Variants in RYR2 observed in about 807,000 individuals in gnomAD.
RYR2 encodes ryanodine receptor 2.
In RYR2, 227 loss-of-function variants were observed where a neutral mutation model predicts 601.1. That is an observed-to-expected ratio of 0.38 (90% CI 0.34 to 0.42). The LOEUF is 0.42. Among genes scored for constraint, RYR2 ranks in the 10% least tolerant of loss-of-function variants. RYR2 has a pLI of 1.00. For missense variants in RYR2, 4,646 were observed against 6,156.5 expected (o/e 0.75, Z 8.21); for synonymous variants, 2,223 against 2,175.1 (o/e 1.02, Z -0.61).
chr1:237,830,403 C>A, intron 102 of RYR2, 127 bp from the exon 103 acceptor site: 1 of 663,800 alleles, frequency 1.5e-6, no homozygotes, highest in Non-Finnish European at 2.8e-6. Context: ...CTTGGCACAG[C>A]CTCCATGTGA....
At chr1:237,505,488 T>A (rs1445707462) in intron 22 of RYR2, among the ~76,000 whole-genome samples, 2 of 152,238 alleles carry the variant, frequency 1.3e-5, no homozygotes, top group Admixed American at 6.5e-5. Context: ...TCCCCCTTTT[T>A]ATATCATGTT....
chr1:237,521,973 T>G (rs1459451245), intron 24 of RYR2, among the ~76,000 whole-genome samples: 1 of 152,066 alleles, frequency 6.6e-6, no homozygotes, highest in South Asian at 2.1e-4. Flanking sequence ...CTTGGAATGC[T>G]CTTTTCTTTT....
At chr1:237,494,337 C>T (rs1346263338) in intron 19 of RYR2, among the ~76,000 whole-genome samples, 1 of 152,152 alleles carries the variant, frequency 6.6e-6, no homozygotes, top group Non-Finnish European at 1.5e-5. Context: ...AGCTGAAGAA[C>T]TTGGGAGTCC....
chr1:237,093,097 G>A (rs74892437), intron 1 of RYR2, among the ~76,000 whole-genome samples: 3,197 of 152,212 alleles, frequency 0.021, 47 homozygotes, highest in Middle Eastern at 0.054. Flanking sequence ...AAAGTGTGAC[G>A]CGTTTCACCA....
chr1:237,579,795 T>G (rs1016060681), intron 29 of RYR2, among the ~76,000 whole-genome samples: 2 of 152,190 alleles, frequency 1.3e-5, no homozygotes, highest in Non-Finnish European at 2.9e-5. Flanking sequence ...TACCAAAGCT[T>G]GTTCTTAACT....
At chr1:237,335,911 AT>A (rs1697201227) in intron 3 of RYR2, among the ~76,000 whole-genome samples, 1 of 152,224 alleles carries the variant, frequency 6.6e-6, no homozygotes, top group South Asian at 2.1e-4. Context: ...TGTTATAAAT[AT>A]TGTGATGAGC....
rs539263653 is a variant in RYR2, at chr1:237,289,618, T to C, written c.168+19002T>C. Reference sequence around the variant, plus strand: ...GCATGGGGGTAACCATCACCATGATTCAATTACCTCCCACTGGGTCCCTCC... The same window carrying C: ...GCATGGGGGTAACCATCACCATGATCCAATTACCTCCCACTGGGTCCCTCC... On this transcript the variant is annotated intron_variant, in intron 2 of 104. Transcript: ENST00000366574. Among the ~76,000 whole-genome samples, 95 of 151,318 alleles carry C rather than the reference T, an allele frequency of 6.3e-4. No individual in the cohort carries two copies. In the Middle Eastern group the frequency reaches 0.01, roughly 16 times the overall value.
In RYR2 at chr1:237,538,234, A is replaced by G. The variant is rs563365533; in HGVS notation, c.2906+7724A>G. Among the ~76,000 whole-genome samples the G allele has an allele frequency of 4.9e-5, 7 of 143,990 alleles. No individual in the cohort carries two copies. The East Asian group carries it at 8.1e-4, about 17-fold the overall frequency. 94.5% of individuals were successfully genotyped at this position (143,990 alleles called of 152,430 possible). A position where few individuals can be genotyped will look rare whatever the true frequency, so the allele number is the denominator to read the frequency against. Reference sequence around the variant, plus strand: ...GTGAAACCCCGTCTCTACTAAAAATAAAAAAAAAAAATTAGCCAGGCATGG... The same window carrying G: ...GTGAAACCCCGTCTCTACTAAAAATGAAAAAAAAAAATTAGCCAGGCATGG... On this transcript the variant is annotated intron_variant, in intron 25 of 104. Coordinates refer to ENST00000366574, the MANE Select transcript of RYR2 (RefSeq NM_001035.3).
chr1:237,661,940 G>A (rs191421328), intron 56 of RYR2, among the ~76,000 whole-genome samples: 1 of 152,092 alleles, frequency 6.6e-6, no homozygotes, highest in East Asian at 1.9e-4. Flanking sequence ...GCTTACCTTT[G>A]ACCCCCTCAT....
chr1:237,319,922 T>A (rs1024733815), intron 2 of RYR2, among the ~76,000 whole-genome samples: 6 of 152,174 alleles, frequency 3.9e-5, no homozygotes, highest in African/African-American at 1.2e-4. Context: ...GTGCATGGCA[T>A]CTGCTCCAAA....
chr1:237,130,053 A>G (rs1001506882), intron 1 of RYR2, among the ~76,000 whole-genome samples: 31 of 152,184 alleles, frequency 2.0e-4, no homozygotes, highest in African/African-American at 7.5e-4. Flanking sequence ...CATGGTGACT[A>G]TAGTTAATGT....
At chr1:237,204,796 G>T (rs1391373230) in intron 1 of RYR2, among the ~76,000 whole-genome samples, 1 of 152,194 alleles carries the variant, frequency 6.6e-6, no homozygotes, top group Non-Finnish European at 1.5e-5. Context: ...AAACCAGACA[G>T]TCAACGACTG....
chr1:237,338,395 TA>T, intron 3 of RYR2, among the ~76,000 whole-genome samples: 1 of 152,302 alleles, frequency 6.6e-6, no homozygotes, highest in South Asian at 2.1e-4. Context: ...TCACATGATT[TA>T]GAATTTAAAT....
intron 1 of RYR2, among the ~76,000 whole-genome samples, chr1:237,050,012 C>G (rs2148131922): frequency 6.6e-6 from 1 of 152,270 alleles, no homozygotes; most frequent in East Asian, 1.9e-4. Context: ...GTTTCTATTG[C>G]AAAAGTTCTG....
At chr1:237,389,746 A>T (rs561745335) in intron 10 of RYR2, among the ~76,000 whole-genome samples, 1 of 152,280 alleles carries the variant, frequency 6.6e-6, no homozygotes, top group African/African-American at 2.4e-5. Context: ...AGATGGAGTT[A>T]AACTTTGGTT....
intron 11 of RYR2, 135 bp downstream of exon 11, chr1:237,417,258 C>G (rs1321291948): frequency 1.5e-6 from 1 of 651,226 alleles, no homozygotes; most frequent in African/African-American, 1.8e-5. Flanking sequence ...AAGTGGTGGA[C>G]AGTTTCTCTT....
intron 11 of RYR2, among the ~76,000 whole-genome samples, chr1:237,418,743 ATTTCTTAT>A (rs1558785747): frequency 4.6e-5 from 7 of 151,992 alleles, no homozygotes; most frequent in African/African-American, 1.2e-4. Flanking sequence ...ATATAAATTT[ATTTCTTAT>A]ATTTCTTATG....
intron 100 of RYR2, among the ~76,000 whole-genome samples, chr1:237,815,198 G>A (rs980696631): frequency 2.0e-4 from 31 of 152,092 alleles, no homozygotes; most frequent in Admixed American, 1.0e-3. Context: ...CAGATTGTCT[G>A]AAAGAAGCAC....
chr1:237,402,823 G>A (rs1209898753), intron 10 of RYR2, among the ~76,000 whole-genome samples: 1 of 152,264 alleles, frequency 6.6e-6, no homozygotes, highest in African/African-American at 2.4e-5. Flanking sequence ...ACTCTATTGG[G>A]CAGGCTGGAG....
Sources: allele counts gnomAD v4.1 joint callset (sites outside exome capture counted in the v4.1 genomes callset), GRCh38; gene constraint gnomAD v4.1.1; transcripts MANE v1.5; gene names NCBI Gene and HGNC (gene_info 2026-07-23, HGNC 2026-07-21).